DMD: variants seen among roughly 807,000 people sequenced by gnomAD.
DMD encodes the protein dystrophin.
In DMD, 63 loss-of-function variants were observed where a neutral mutation model predicts 330.1. The ratio of observed to expected loss-of-function variants is 0.19; its 90% CI spans 0.16 to 0.24. The LOEUF is 0.24. Ranked by LOEUF, DMD falls within the 10% of genes least tolerant of loss-of-function variation. DMD has a pLI of 1.00. For missense variants in DMD, 3,344 were observed against 2,684.1 expected (o/e 1.25, Z -5.43); for synonymous variants, 1,223 against 959.8 (o/e 1.27, Z -5.07).
rs767304770 is a variant in DMD, at chrX:32,697,967, C to A, written c.863G>T (p.Arg288Ile). Residue 288 changes from arginine (R) to isoleucine (I), a missense_variant, in exon 9 of 79, where the codon AGA becomes ATA. By Grantham distance (97) the Arg-to-Ile change is moderately conservative. Coordinates refer to ENST00000357033, the MANE Select transcript of DMD (RefSeq NM_004006.3). Reference sequence around the variant, plus strand: ...GAATCGAGGCTTAGGGGAAGAAGTTCTCTCATATCCCTGTGCTAGACTGAC... The same window carrying A: ...GAATCGAGGCTTAGGGGAAGAAGTTATCTCATATCCCTGTGCTAGACTGAC... ...ITVSLAQGYE[R>I]TSSPKPRFKS... 5.8e-6 allele frequency: 7 copies of A among 1,201,547 alleles called. No homozygotes were observed. The highest frequency in any genetic ancestry group is 6.0e-5 in the East Asian group (2 of 33,413).
chrX:33,017,498 C>A (rs1297549253), intron 2 of DMD, among the ~76,000 whole-genome samples: 1 of 105,806 alleles, frequency 9.5e-6, no homozygotes, highest in Non-Finnish European at 1.9e-5. Context: ...CAGAATTTTT[C>A]ATTCTCTTTT....
intron 43 of DMD, among the ~76,000 whole-genome samples, chrX:32,266,135 A>T (rs1046770040): frequency 2.7e-5 from 3 of 111,908 alleles, no homozygotes; most frequent in Non-Finnish European, 5.6e-5. Flanking sequence ...TAATTGAATT[A>T]CAGGGGCGGT....
intron 4 of DMD, among the ~76,000 whole-genome samples, chrX:32,829,204 A>T: frequency 9.0e-6 from 1 of 111,300 alleles, no homozygotes; most frequent in Admixed American, 9.6e-5. Context: ...TATGCTTTGG[A>T]ATAGCTTAAA....
At chrX:32,736,373 C>G (rs1046009984) in intron 7 of DMD, among the ~76,000 whole-genome samples, 1 of 111,325 alleles carries the variant, frequency 9.0e-6, no homozygotes, top group Non-Finnish European at 1.9e-5. Context: ...CCTCAGGGAT[C>G]TAGAACTAGA....
At chrX:32,733,891 G>A (rs1309617205) in intron 7 of DMD, among the ~76,000 whole-genome samples, 2 of 104,016 alleles carry the variant, frequency 1.9e-5, no homozygotes, top group African/African-American at 7.1e-5. Flanking sequence ...AAAGCTAGCA[G>A]AAGACAAGAA....
chrX:32,357,003 C>A (rs971531621), intron 37 of DMD, among the ~76,000 whole-genome samples: 1 of 111,353 alleles, frequency 9.0e-6, no homozygotes, highest in African/African-American at 3.3e-5. Context: ...AATTTCCCTC[C>A]TCAGCCTCCC....
At chrX:33,102,938 C>T (rs1278043013) in intron 1 of DMD, among the ~76,000 whole-genome samples, 3 of 111,707 alleles carry the variant, frequency 2.7e-5, no homozygotes, top group African/African-American at 9.8e-5. Context: ...GGTATGGAAG[C>T]ATATAAGCGA....
At chrX:32,306,966 G>T (rs1280209540) in intron 42 of DMD, among the ~76,000 whole-genome samples, 2 of 111,325 alleles carry the variant, frequency 1.8e-5, no homozygotes, top group African/African-American at 6.5e-5. Flanking sequence ...TTGATACCAA[G>T]GCCTAATTGA....
At chrX:31,852,468 C>G (rs1263502667) in intron 48 of DMD, among the ~76,000 whole-genome samples, 1 of 111,765 alleles carries the variant, frequency 8.9e-6, no homozygotes, top group Non-Finnish European at 1.9e-5. Flanking sequence ...TTCCTAAGTC[C>G]TTACTGGTGA....
intron 60 of DMD, among the ~76,000 whole-genome samples, chrX:31,410,109 C>T (rs781432862): frequency 1.8e-5 from 2 of 112,402 alleles, no homozygotes; most frequent in East Asian, 2.8e-4. Context: ...CGTGAGTCAC[C>T]GTGTCCGGCC....
chrX:33,335,651 G>A (rs2054241900), intron 1 of DMD, among the ~76,000 whole-genome samples: 1 of 110,665 alleles, frequency 9.0e-6, no homozygotes, highest in African/African-American at 3.3e-5. Context: ...TATCTGGATC[G>A]TCCTTCAGTT....
At chrX:32,817,020 G>C (rs2077815253) in intron 5 of DMD, among the ~76,000 whole-genome samples, 1 of 111,459 alleles carries the variant, frequency 9.0e-6, no homozygotes, top group African/African-American at 3.3e-5. Context: ...TTTTTGGATA[G>C]GAGGAATACT....
chrX:31,648,296 T>C (rs765565312), intron 54 of DMD, among the ~76,000 whole-genome samples: 3 of 110,957 alleles, frequency 2.7e-5, no homozygotes, highest in Non-Finnish European at 5.7e-5. Context: ...TTTCAAAATA[T>C]AGAAGAAACA....
intron 44 of DMD, among the ~76,000 whole-genome samples, chrX:32,052,987 G>T (rs184487032): frequency 3.1e-4 from 34 of 111,407 alleles, no homozygotes; most frequent in African/African-American, 1.1e-3. Context: ...GGGCAATAAA[G>T]AATACTCATA....
chrX:32,270,952 T>C (rs2097363069), intron 43 of DMD, among the ~76,000 whole-genome samples: 1 of 111,550 alleles, frequency 9.0e-6, no homozygotes, highest in South Asian at 3.7e-4. Context: ...ACAGCTACCT[T>C]GGGTCACTCC....
chrX:33,041,318 T>C (rs2094296135), intron 1 of DMD: 1 of 1,084,022 alleles, frequency 9.2e-7, no homozygotes, highest in East Asian at 3.3e-5. Flanking sequence ...CAAGCCTAAA[T>C]AGCTACCGCC....
chrX:31,729,505 AT>A (rs72466583), intron 52 of DMD, 125 bp downstream of exon 52: 17 of 589,195 alleles, frequency 2.9e-5, no homozygotes, highest in Non-Finnish European at 5.1e-5. Flanking sequence ...TCTCAGCACA[AT>A]TGTTATCATT....
intron 7 of DMD, among the ~76,000 whole-genome samples, chrX:32,722,601 T>A (rs2066443667): frequency 9.0e-6 from 1 of 111,223 alleles, no homozygotes; most frequent in Non-Finnish European, 1.9e-5. Flanking sequence ...TGGGATATTT[T>A]CCCATATATT....
intron 17 of DMD, among the ~76,000 whole-genome samples, chrX:32,527,293 G>C (rs1286726207): frequency 1.8e-5 from 2 of 112,102 alleles, no homozygotes; most frequent in Non-Finnish European, 3.8e-5. Flanking sequence ...TATTAAAGAA[G>C]AAATAATTTT....
Sources: allele counts gnomAD v4.1 joint callset (sites outside exome capture counted in the v4.1 genomes callset), GRCh38; gene constraint gnomAD v4.1.1; transcripts MANE v1.5; gene names NCBI Gene and HGNC (gene_info 2026-07-23, HGNC 2026-07-21).